KSR1: variants seen among roughly 807,000 people sequenced by gnomAD.
The protein encoded by KSR1 is kinase suppressor of ras.
A neutral mutation model predicts 92.9 loss-of-function variants in KSR1; 35 were observed. The ratio of observed to expected loss-of-function variants is 0.38; its 90% CI spans 0.29 to 0.50. KSR1 has a LOEUF of 0.50. Ranked by LOEUF, KSR1 falls within the 20% of genes least tolerant of loss-of-function variation. The pLI, the probability that KSR1 is intolerant of heterozygous loss-of-function variation, is 0.94. For synonymous variants in KSR1, 467 were observed against 472.6 expected, an observed-to-expected ratio of 0.99 and a Z score of 0.15; for missense variants, 972 against 1,158.5, an observed-to-expected ratio of 0.84 and a Z score of 2.34.
chr17:27,619,491 G>C (rs9910932), intron 19 of KSR1, among the ~76,000 whole-genome samples: 2 of 151,236 alleles, frequency 1.3e-5, no homozygotes, highest in African/African-American at 2.4e-5. Flanking sequence ...TCCACCTCCC[G>C]GGTTCAAGCG....
intron 1 of KSR1, among the ~76,000 whole-genome samples, chr17:27,549,439 C>T (rs1243918125): frequency 6.6e-6 from 1 of 152,206 alleles, no homozygotes; most frequent in Non-Finnish European, 1.5e-5. Flanking sequence ...CAGAACTGGG[C>T]CATGCCCTCC....
At chr17:27,458,092 G>A (rs781709879) in intron 1 of KSR1, among the ~76,000 whole-genome samples, 5 of 152,096 alleles carry the variant, frequency 3.3e-5, no homozygotes, top group Non-Finnish European at 5.9e-5. Flanking sequence ...AAAACCACAG[G>A]ACATTGGAAG....
intron 4 of KSR1, among the ~76,000 whole-genome samples, chr17:27,585,419 G>C (rs1320200186): frequency 2.0e-5 from 3 of 152,210 alleles, no homozygotes; most frequent in Admixed American, 2.0e-4. Context: ...GCACAGCACT[G>C]AGTTTAGATG....
At chr17:27,466,070 T>C (rs574638990) in intron 1 of KSR1, among the ~76,000 whole-genome samples, 1 of 152,336 alleles carries the variant, frequency 6.6e-6, no homozygotes, top group South Asian at 2.1e-4. Flanking sequence ...GATTTGTGTT[T>C]TAAAGGTTCT....
At chr17:27,615,651 T>C (rs1015592663) in intron 18 of KSR1, among the ~76,000 whole-genome samples, 2 of 152,234 alleles carry the variant, frequency 1.3e-5, no homozygotes, top group African/African-American at 2.4e-5. Context: ...ATCAATGGGA[T>C]ATTAGGCCTG....
At chr17:27,478,042 A>G (rs1267701609) in intron 1 of KSR1, among the ~76,000 whole-genome samples, 3 of 152,144 alleles carry the variant, frequency 2.0e-5, no homozygotes, top group Non-Finnish European at 4.4e-5. Context: ...GAGGGAGACT[A>G]AAGCCCTCTA....
At chr17:27,621,352 C>G in intron 20 of KSR1, 79 bp downstream of exon 20, 1 of 398,238 alleles carries the variant, frequency 2.5e-6, no homozygotes, top group African/African-American at 2.1e-5. Context: ...TCTGTCGCCG[C>G]TTCCCAGCTT....
intron 1 of KSR1, chr17:27,471,924 T>C (rs1345678255): frequency 6.6e-6 from 1 of 152,222 alleles, no homozygotes; most frequent in African/African-American, 2.4e-5. Flanking sequence ...CACGGAACTG[T>C]GCTCTGTGCT....
At position 27,600,373 on chromosome 17, in the gene KSR1, G is replaced by C. The variant is rs188936063; in HGVS notation, c.1469-987G>C. Among the ~76,000 whole-genome samples the C allele has an allele frequency of 3.5e-3, 536 of 152,276 alleles. 4 individuals are homozygous for C. Among genetic ancestry groups the C allele is most frequent in the Non-Finnish European group, 5.6e-3 (381 of 68,028 alleles). The stretch of plus-strand genomic sequence containing the variant: ...GAGAATCGCTTGAACCCAGGAAGCA[G>C]AGGTTGCAGTGAGCTGAGATTGTGC... On this transcript the variant is annotated intron_variant, in intron 10 of 20. Coordinates refer to ENST00000644974, the MANE Select transcript of KSR1 (RefSeq NM_001394583.1).
At position 27,582,652 on chromosome 17, in the gene KSR1, A is replaced by G; in HGVS notation, c.527A>G (p.Glu176Gly). 6.2e-7 allele frequency: 1 copy of G among 1,606,148 alleles called. No homozygotes were observed. The change falls in exon 4 of 21, where the codon GAG becomes GGG. Residue 176 changes from glutamate to glycine, a missense_variant. Transcript: ENST00000644974. ...TCCACGTCTTGGTCCACAGGAGGGGAGCACAAGGAGGACTCCAGTTGGAGT... is the reference window on the plus strand; with the variant it reads ...TCCACGTCTTGGTCCACAGGAGGGGGGCACAAGGAGGACTCCAGTTGGAGT... ...CLRKVTGLGG[E>G]HKEDSSWSSL... is the part of the protein sequence containing the mutation.
intron 18 of KSR1, among the ~76,000 whole-genome samples, chr17:27,614,454 G>A (rs1013111039): frequency 6.6e-6 from 1 of 152,196 alleles, no homozygotes; most frequent in Non-Finnish European, 1.5e-5. Context: ...GCATCTTGGA[G>A]CAGAGAATGG....
At chr17:27,498,337 CA>C (rs761230745) in intron 1 of KSR1, among the ~76,000 whole-genome samples, 1,565 of 52,302 alleles carry the variant, frequency 0.03, 15 homozygotes, top group African/African-American at 0.074. Flanking sequence ...GACTCAGTCT[CA>C]AAAAAAAAAA....
chr17:27,500,891 T>A (rs1302578575), intron 1 of KSR1, among the ~76,000 whole-genome samples: 1 of 152,202 alleles, frequency 6.6e-6, no homozygotes, highest in Non-Finnish European at 1.5e-5. Context: ...TCCAAATCCT[T>A]GGCTTTATCA....
At chr17:27,608,901 C>T (rs1383320133) in intron 15 of KSR1, among the ~76,000 whole-genome samples, 2 of 152,228 alleles carry the variant, frequency 1.3e-5, no homozygotes, top group Non-Finnish European at 2.9e-5. Context: ...CTGCCCATCA[C>T]CCTGTTCACA....
chr17:27,535,734 C>T (rs554312902), intron 1 of KSR1, among the ~76,000 whole-genome samples: 16 of 152,306 alleles, frequency 1.1e-4, no homozygotes, highest in Admixed American at 4.6e-4. Context: ...GCTGGGAGCT[C>T]GCAGTCAGCC....
chr17:27,579,911 A>AAAAAT (rs35343726), intron 3 of KSR1: 4 of 149,294 alleles, frequency 2.7e-5, no homozygotes, highest in Admixed American at 1.3e-4. Flanking sequence ...AAAAAAAAAA[A>AAAAAT]GTGAGTGAAG....
At chr17:27,526,837 G>T in intron 1 of KSR1, 1 of 755,034 alleles carries the variant, frequency 1.3e-6, no homozygotes, top group Non-Finnish European at 2.3e-6. Flanking sequence ...CCTCCGGGGG[G>T]AGGGGTGGAA....
At chr17:27,467,594 C>A (rs1455319334) in intron 1 of KSR1, among the ~76,000 whole-genome samples, 1 of 152,066 alleles carries the variant, frequency 6.6e-6, no homozygotes, top group Admixed American at 6.6e-5. Context: ...TTTTTTCCTG[C>A]AATAGATAAT....
chr17:27,558,184 A>C (rs899636658), intron 2 of KSR1: 2 of 152,524 alleles, frequency 1.3e-5, no homozygotes, highest in Non-Finnish European at 2.9e-5. Flanking sequence ...CACCTTGTTA[A>C]CAGGTCAGTG....
Sources: allele counts gnomAD v4.1 joint callset (sites outside exome capture counted in the v4.1 genomes callset), GRCh38; gene constraint gnomAD v4.1.1; transcripts MANE v1.5; gene names NCBI Gene and HGNC (gene_info 2026-07-23, HGNC 2026-07-21).